The following CASQ1 variants were observed in gnomAD, a reference collection of about 807,000 sequenced individuals.
The protein encoded by CASQ1 is calsequestrin 1.
A neutral mutation model predicts 49.5 loss-of-function variants in CASQ1; 40 were observed. The observed-to-expected ratio is 0.81, with a 90% CI of 0.63 to 1.05. The LOEUF is 1.05. Among genes scored for constraint, CASQ1 ranks in the 50% least tolerant of loss-of-function variants. The pLI is 0.00. For missense variants in CASQ1, 469 were observed against 486.9 expected (o/e 0.96, Z 0.35); for synonymous variants, 174 against 187.2 (o/e 0.93, Z 0.58).
At chr1:160,193,982 A>C in intron 3 of CASQ1, 135 bp downstream of exon 3, 1 of 628,218 alleles carries the variant, frequency 1.6e-6, no homozygotes, top group Non-Finnish European at 2.9e-6. Flanking sequence ...CACACCATAC[A>C]TACACCACAC....
At chr1:160,197,436 C>A (rs1051329400) in intron 6 of CASQ1, 133 bp from the exon 7 acceptor site, 16 of 707,706 alleles carry the variant, frequency 2.3e-5, no homozygotes, top group Admixed American at 1.0e-4. Context: ...GAGGCCTTGC[C>A]AGATGGCTTT....
intron 3 of CASQ1, 33 bp from the exon 4 acceptor site, chr1:160,194,979 A>T: frequency 7.3e-7 from 1 of 1,368,432 alleles, no homozygotes; most frequent in Non-Finnish European, 1.0e-6. Flanking sequence ...TTGAGGATAG[A>T]AACTCTCTTC....
rs1654107064 is a variant in CASQ1, at chr1:160,192,788, A to G, written c.280-14A>G. 14 of 1,612,106 alleles carry G rather than the reference A, an allele frequency of 8.7e-6. No individual in the cohort carries two copies. The highest frequency in any genetic ancestry group is 1.2e-5 in the Non-Finnish European group (14 of 1,178,284). On this transcript the variant is annotated splice_polypyrimidine_tract_variant and intron_variant, in intron 1 of 10. Coordinates refer to ENST00000368078, the MANE Select transcript of CASQ1 (RefSeq NM_001231.5). ...ATTCCAGGGGCTAATTTTAATCATA[A>G]TCCTTCCCTCCAGTTAGCAGCCCAA...
At chr1:160,198,762 G>C (rs756411626) in intron 8 of CASQ1, 31 bp downstream of exon 8, 3 of 1,594,202 alleles carry the variant, frequency 1.9e-6, no homozygotes, top group Admixed American at 3.3e-5. Flanking sequence ...TGGACTGGAG[G>C]GAAGGCAGGG....
At chr1:160,195,759 C>T in intron 5 of CASQ1, 138 bp from the exon 6 acceptor site, 1 of 1,016,926 alleles carries the variant, frequency 9.8e-7, no homozygotes. Context: ...AGTTAAGACA[C>T]TTGTCAGGTG....
intron 7 of CASQ1, 40 bp downstream of exon 7, chr1:160,197,654 T>C (rs1226853180): frequency 1.4e-6 from 2 of 1,429,344 alleles, no homozygotes; most frequent in South Asian, 1.1e-5. Context: ...CAGGGAAGCA[T>C]GGGTGCCAGA....
chr1:160,196,477 CTTT>C (rs112705179), intron 6 of CASQ1, among the ~76,000 whole-genome samples: 2 of 144,356 alleles, frequency 1.4e-5, no homozygotes, highest in Non-Finnish European at 3.0e-5. Context: ...TCTTCTTCTT[CTTT>C]TTTTTTTTTT....
chr1:160,195,368 C>T, intron 4 of CASQ1, 93 bp from the exon 5 acceptor site: 1 of 1,216,216 alleles, frequency 8.2e-7, no homozygotes, highest in Admixed American at 1.7e-5. Context: ...TCAAAATGAA[C>T]CCTGCCTGCA....
intron 6 of CASQ1, among the ~76,000 whole-genome samples, chr1:160,197,333 TTTCTCCCCCA>T (rs1024933408): frequency 3.9e-5 from 6 of 152,210 alleles, no homozygotes; most frequent in Non-Finnish European, 5.9e-5. Context: ...AGTTCTTGCC[TTTCTCCCCCA>T]GTCTCTCTTC....
At chr1:160,199,736 C>A in intron 9 of CASQ1, 115 bp from the exon 10 acceptor site, 1 of 715,300 alleles carries the variant, frequency 1.4e-6, no homozygotes, top group Non-Finnish European at 2.6e-6. Flanking sequence ...TGTCCCCATC[C>A]ACTGCCAGTT....
intron 7 of CASQ1, among the ~76,000 whole-genome samples, chr1:160,197,882 G>A (rs1004276332): frequency 7.9e-5 from 12 of 152,174 alleles, no homozygotes. Flanking sequence ...AGCAGGGTGT[G>A]GTGGCGGGCG....
At chr1:160,195,845 G>A (rs998953606) in intron 5 of CASQ1, 52 bp from the exon 6 acceptor site, 86 of 1,589,012 alleles carry the variant, frequency 5.4e-5, no homozygotes, top group South Asian at 5.2e-4. Context: ...ACTGCTTCTC[G>A]ACATGACCCT....
rs571116008 is a variant in CASQ1 at position 160,201,772 on chromosome 1, T to A, written c.*396T>A. 4 of 214,850 alleles carry A rather than the reference T, an allele frequency of 1.9e-5. No homozygotes were observed. In the South Asian group the frequency reaches 3.8e-4, roughly 21 times the overall value. 13.3% of individuals were successfully genotyped at this position (214,850 alleles called of 1,614,324 possible). A position where few individuals can be genotyped will look rare whatever the true frequency, so the allele number is the denominator to read the frequency against. ...ATCCTGTATCTTTCTGACTGTCCTG[T>A]CCTTGGCCAGAAGGAAGGGAGAATA... On this transcript the variant is annotated 3_prime_UTR_variant, in exon 11 of 11. Transcript: ENST00000368078.
rs1654311901 is a variant in CASQ1, at chr1:160,199,127, T to A, written c.984+74T>A. 4 of 976,066 alleles carry A rather than the reference T, an allele frequency of 4.1e-6. No homozygotes were observed. In the East Asian group the frequency reaches 9.5e-5, roughly 23 times the overall value. The allele number at this position is 976,066 out of a possible 1,614,324, so 60.5% of individuals were successfully genotyped here. ...TGTGACATCTTCTTAGTGAGGGCTT[T>A]GTTTCAGAGGTCCCATCCCCACCTC... On this transcript the variant is annotated intron_variant, in intron 9 of 10. Coordinates refer to ENST00000368078, the MANE Select transcript of CASQ1 (RefSeq NM_001231.5).
Position 160,191,079 on chromosome 1 carries a change from G to A in CASQ1, c.279+49G>A, listed in dbSNP as rs565746759. 85 of 1,587,558 alleles carry A rather than the reference G, an allele frequency of 5.4e-5. No individual in the cohort carries two copies. In the East Asian group the frequency reaches 6.3e-4, roughly 12 times the overall value. ...TGCAGAGCATGTCTAGCCCCTCTCC[G>A]GAATCCCCTATCCTACACCCATGTA... On this transcript the variant is annotated intron_variant, in intron 1 of 10. Coordinates refer to ENST00000368078, the MANE Select transcript of CASQ1 (RefSeq NM_001231.5).
At position 160,201,373 on chromosome 1, in the gene CASQ1, C is replaced by G. The variant is rs1430441922; in HGVS notation, c.1188C>G (p.Asp396Glu). The G allele has an allele frequency of 6.2e-7, 1 of 1,613,804 alleles. No homozygotes were observed. Among genetic ancestry groups the G allele is most frequent in the Non-Finnish European group, 8.5e-7 (1 of 1,179,826 alleles). The change falls in exon 11 of 11, where the codon GAC (aspartate) becomes GAG (glutamate). Residue 396 changes from aspartate (D) to glutamate (E), a missense_variant. Transcript: ENST00000368078. ...NTEDDDDDDD[D>E] Reference sequence around the variant, plus strand: ...AGGACGATGACGATGATGATGATGACTAGTTGCTATGGCAACCATCTTTCA... The same window carrying G: ...AGGACGATGACGATGATGATGATGAGTAGTTGCTATGGCAACCATCTTTCA...
In CASQ1 at chr1:160,195,916, T is replaced by C. The variant is rs1284354759; in HGVS notation, c.671T>C (p.Leu224Pro). ...CCAAAGGTGGCAAAGAAGCTGACCC[T>C]GAAGCTGAATGAGATTGATTTCTAC... ...FDSKVAKKLT[L>P]KLNEIDFYEA... Residue 224 changes from leucine (L) to proline (P), a missense_variant, in exon 6 of 11, where the codon CTG (leucine) becomes CCG (proline). Leu to Pro is a moderately conservative substitution (Grantham distance 98). Transcript: ENST00000368078. 6 of 1,613,868 alleles carry C rather than the reference T, an allele frequency of 3.7e-6. No homozygotes were observed. The highest frequency in any genetic ancestry group is 5.1e-6 in the Non-Finnish European group (6 of 1,179,900).
chr1:160,190,681 C>A lies in CASQ1; in HGVS notation c.-71C>A. 2 of 1,484,448 alleles carry A rather than the reference C, an allele frequency of 1.3e-6. No individual in the cohort carries two copies. The highest frequency in any genetic ancestry group is 2.0e-5 in the Admixed American group (1 of 50,466). The allele number at this position is 1,484,448 out of a possible 1,614,324, so 92.0% of individuals were successfully genotyped here. On this transcript the variant is annotated 5_prime_UTR_variant, in exon 1 of 11. Coordinates refer to ENST00000368078, the MANE Select transcript of CASQ1 (RefSeq NM_001231.5). ...TGAGCCCCTAACTCAGAATCTGGGA[C>A]CCAGGGGCCCCTCCCTACCCCAGCT... is the stretch of plus-strand genomic sequence containing the variant.
intron 1 of CASQ1, among the ~76,000 whole-genome samples, chr1:160,191,666 C>T (rs1434991643): frequency 6.6e-6 from 1 of 152,172 alleles, no homozygotes; most frequent in East Asian, 1.9e-4. Context: ...CTTCCCCAAT[C>T]TTCTTTTTGT....
Sources: allele counts gnomAD v4.1 joint callset (sites outside exome capture counted in the v4.1 genomes callset), GRCh38; gene constraint gnomAD v4.1.1; transcripts MANE v1.5; gene names NCBI Gene and HGNC (gene_info 2026-07-23, HGNC 2026-07-21).